CSMD1: variants seen among roughly 807,000 people sequenced by gnomAD.
CSMD1 encodes the protein CUB and Sushi multiple domains 1.
In CSMD1, 213 loss-of-function variants were observed where a neutral mutation model predicts 417.5. The observed-to-expected ratio is 0.51, with a 90% CI of 0.46 to 0.57. The LOEUF (loss-of-function observed/expected upper bound fraction) is 0.57, where lower values mean the gene tolerates loss of function less well. CSMD1 is among the 20% of genes least tolerant of loss of function. The pLI is 0.00. For missense variants in CSMD1, 6,923 were observed against 4,529.7 expected, an observed-to-expected ratio of 1.53 and a Z score of -15.17; for synonymous variants, 2,862 against 1,736.8, an observed-to-expected ratio of 1.65 and a Z score of -16.11.
chr8:3,189,447 G>A (rs552202018), intron 34 of CSMD1, among the ~76,000 whole-genome samples: 3 of 152,336 alleles, frequency 2.0e-5, no homozygotes, highest in African/African-American at 7.2e-5. Context: ...TGATTCAAGT[G>A]CTAATCATGA....
At chr8:3,179,781 T>C (rs1451336860) in intron 37 of CSMD1, among the ~76,000 whole-genome samples, 1 of 152,220 alleles carries the variant, frequency 6.6e-6, no homozygotes, top group Non-Finnish European at 1.5e-5. Flanking sequence ...TATATCAAAG[T>C]AGCAGATTTT....
intron 10 of CSMD1, among the ~76,000 whole-genome samples, chr8:3,536,466 A>C (rs567913481): frequency 1.3e-5 from 2 of 152,202 alleles, no homozygotes. Flanking sequence ...AAGTTGGGCC[A>C]GGTTTCCTCT....
rs868023449 is a variant in CSMD1, at chr8:3,668,648, A to G, written c.1009+39766T>C. Among the ~76,000 whole-genome samples the G allele has an allele frequency of 7.2e-5, 11 of 152,208 alleles. No individual in the cohort carries two copies. In the East Asian group the frequency reaches 1.2e-3, roughly 16 times the overall value. On this transcript the variant is annotated intron_variant, in intron 7 of 69. Coordinates refer to ENST00000635120, the MANE Select transcript of CSMD1 (RefSeq NM_033225.6). The stretch of plus-strand genomic sequence containing the variant: ...GAGACGATCCTGAACAGAGTGTGCA[A>G]TATAGAAGCTCAGTCTGAGGTGTCC...
At position 3,756,772 on chromosome 8, in the gene CSMD1, G is replaced by A. The variant is rs115648509; in HGVS notation, c.819-2730C>T. The stretch of plus-strand genomic sequence containing the variant: ...TTTCTCACTCGCATTACTTATGAAC[G>A]GTTCTGACTGAAAAAACCAGGTGGA... On this transcript the variant is annotated intron_variant, in intron 5 of 69. Transcript: ENST00000635120. 4.9e-3 allele frequency among the ~76,000 whole-genome samples: 740 copies of A among 151,888 alleles called. 10 individuals are homozygous for A. The highest frequency in any genetic ancestry group is 0.017 in the African/African-American group (722 of 41,462).
intron 2 of CSMD1, among the ~76,000 whole-genome samples, chr8:4,632,124 T>A (rs548710952): frequency 6.6e-6 from 1 of 152,346 alleles, no homozygotes; most frequent in East Asian, 1.9e-4. Context: ...TGACTCACAT[T>A]CATTTAGGAG....
At chr8:4,113,588 T>C (rs1462210629) in intron 3 of CSMD1, among the ~76,000 whole-genome samples, 1 of 151,982 alleles carries the variant, frequency 6.6e-6, no homozygotes, top group Non-Finnish European at 1.5e-5. Flanking sequence ...GTTATTTTAG[T>C]AGAGACAGAG....
intron 26 of CSMD1, among the ~76,000 whole-genome samples, chr8:3,236,333 G>T (rs1412551432): frequency 6.6e-6 from 1 of 152,036 alleles, no homozygotes; most frequent in Non-Finnish European, 1.5e-5. Context: ...GCTTACTTAA[G>T]TTTAAACAAA....
At chr8:3,834,853 A>C (rs1802584952) in intron 5 of CSMD1, among the ~76,000 whole-genome samples, 1 of 151,738 alleles carries the variant, frequency 6.6e-6, no homozygotes, top group African/African-American at 2.4e-5. Flanking sequence ...TCTACAATGA[A>C]CTCCAACAAA....
intron 1 of CSMD1, among the ~76,000 whole-genome samples, chr8:4,691,619 T>C (rs1806774615): frequency 6.6e-6 from 1 of 152,200 alleles, no homozygotes. Flanking sequence ...AAAATTATTT[T>C]CTGCACTCCA....
chr8:3,310,508 T>C (rs992214981), intron 23 of CSMD1, among the ~76,000 whole-genome samples: 2 of 152,166 alleles, frequency 1.3e-5, no homozygotes, highest in African/African-American at 4.8e-5. Context: ...TAACAAACAA[T>C]CTTCCAAAAT....
At chr8:4,587,794 T>A (rs1012192253) in intron 2 of CSMD1, among the ~76,000 whole-genome samples, 15 of 152,198 alleles carry the variant, frequency 9.9e-5, no homozygotes, top group Non-Finnish European at 2.1e-4. Flanking sequence ...ATTATGAACT[T>A]GTGGGTACCA....
rs1812463853 is a variant in CSMD1 at position 3,408,112 on chromosome 8, T to C, written c.1858A>G (p.Ser620Gly). The part of the protein sequence containing the change: ...CVWLIISEPG[S>G]RIHLIFNDFD... Reference sequence around the variant, plus strand: ...TCATTAAAGATTAGGTGAATTCGACTTCCTGGCTCCGAGATAATCAACCAG... The same window carrying C: ...TCATTAAAGATTAGGTGAATTCGACCTCCTGGCTCCGAGATAATCAACCAG... The change falls in exon 14 of 70, where the codon AGT (serine) becomes GGT (glycine). Residue 620 changes from serine (S) to glycine (G), a missense_variant. Physicochemically the swap from Ser to Gly is moderately conservative, Grantham distance 56. Coordinates refer to ENST00000635120, the MANE Select transcript of CSMD1 (RefSeq NM_033225.6). 1.2e-6 allele frequency: 2 copies of C among 1,613,784 alleles called. No individual in the cohort carries two copies. Among genetic ancestry groups the C allele is most frequent in the South Asian group, 2.2e-5 (2 of 91,072 alleles).
At chr8:3,128,104 C>G (rs1214859337) in intron 41 of CSMD1, 1 of 152,058 alleles carries the variant, frequency 6.6e-6, no homozygotes, top group East Asian at 1.9e-4. Flanking sequence ...TCAATAAGCC[C>G]AAGGCAATAC....
intron 3 of CSMD1, among the ~76,000 whole-genome samples, chr8:4,226,435 G>C (rs952798621): frequency 6.6e-6 from 1 of 152,074 alleles, no homozygotes; most frequent in African/African-American, 2.4e-5. Flanking sequence ...AATTAATTCA[G>C]CACACAAAAA....
intron 3 of CSMD1, among the ~76,000 whole-genome samples, chr8:4,307,630 A>T (rs983891787): frequency 2.0e-5 from 3 of 152,302 alleles, no homozygotes; most frequent in African/African-American, 7.2e-5. Flanking sequence ...AAGCTTATCG[A>T]ATTTTGCATC....
intron 6 of CSMD1, among the ~76,000 whole-genome samples, chr8:3,733,183 ACAC>A (rs1796352563): frequency 6.8e-6 from 1 of 147,058 alleles, no homozygotes; most frequent in Non-Finnish European, 1.5e-5. Flanking sequence ...ACACACACAC[ACAC>A]ACACACACAC....
chr8:4,162,470 T>G (rs537918987), intron 3 of CSMD1, among the ~76,000 whole-genome samples: 2 of 152,324 alleles, frequency 1.3e-5, no homozygotes, highest in East Asian at 3.9e-4. Context: ...TACACAAAAT[T>G]TAAGCCAGTT....
intron 7 of CSMD1, among the ~76,000 whole-genome samples, chr8:3,629,508 G>C (rs556141415): frequency 1.3e-5 from 2 of 152,206 alleles, no homozygotes; most frequent in South Asian, 2.1e-4. Flanking sequence ...GCTCAATAAA[G>C]ACAACGTTAC....
chr8:4,803,620 A>G (rs1413625485), intron 1 of CSMD1, among the ~76,000 whole-genome samples: 1 of 152,148 alleles, frequency 6.6e-6, no homozygotes, highest in Non-Finnish European at 1.5e-5. Flanking sequence ...TACTGAAAAG[A>G]TCTATGTCTT....
Sources: gnomAD v4.1 joint callset for allele counts (sites outside exome capture counted in the v4.1 genomes callset) on GRCh38, gnomAD v4.1.1 for gene constraint, MANE v1.5 for transcripts, NCBI Gene and HGNC (gene_info 2026-07-23, HGNC 2026-07-21) for gene names.